Variants in APC2 observed in about 807,000 individuals in gnomAD.
The protein encoded by APC2 is APC regulator of Wnt signaling pathway 2.
In APC2, 41 loss-of-function variants were observed where a neutral mutation model predicts 72.5. The observed-to-expected ratio is 0.57, with a 90% CI of 0.44 to 0.73. The LOEUF (loss-of-function observed/expected upper bound fraction) is 0.73, where lower values mean the gene tolerates loss of function less well. Among genes scored for constraint, APC2 ranks in the 30% least tolerant of loss-of-function variants. APC2 has a pLI of 0.00. For synonymous variants in APC2, 1,898 were observed against 1,612.0 expected, an observed-to-expected ratio of 1.18 and a Z score of -4.25; for missense variants, 3,729 against 3,403.4, an observed-to-expected ratio of 1.10 and a Z score of -2.38.
Position 1,452,921 on chromosome 19 carries a change from C to G in APC2, c.-18-63C>G, listed in dbSNP as rs1477863469. 3 of 1,554,752 alleles carry G rather than the reference C, an allele frequency of 1.9e-6. No individual in the cohort carries two copies. In the African/African-American group the frequency reaches 4.1e-5, roughly 21 times the overall value. ...GGGGCTTAGGTCAGGGGCCGTCTGT[C>G]CGGAAGGCATCACCGCGCCCTCCCC... On this transcript the variant is annotated intron_variant, in intron 1 of 14. Transcript: ENST00000590469. This position sits in a 1 kb window ranked among gnomAD's most constrained non-coding sequence, Gnocchi z 5.1.
chr19:1,471,482 C>G lies in APC2; in HGVS notation c.*1269C>G, dbSNP rs889624682. 3.3e-5 allele frequency: 5 copies of G among 152,358 alleles called. No individual in the cohort carries two copies. The highest frequency in any genetic ancestry group is 9.6e-5 in the African/African-American group (4 of 41,582). 9.4% of individuals were successfully genotyped at this position (152,358 alleles called of 1,614,324 possible). On this transcript the variant is annotated 3_prime_UTR_variant, in exon 15 of 15. Coordinates refer to ENST00000590469, the MANE Select transcript of APC2 (RefSeq NM_005883.3). ...CCTGAGGGGCTCGGCTGCCTCATCC[C>G]CTGGCGGGGGAGGCTGGGAGCTGGG...
intron 13 of APC2, 22 bp from the exon 14 acceptor site, chr19:1,461,941 C>T (rs769479969): frequency 6.3e-7 from 1 of 1,590,458 alleles, no homozygotes; most frequent in East Asian, 2.3e-5. Flanking sequence ...CCTGACCCGC[C>T]CCTCTCCCGC....
chr19:1,457,219 C>G lies in APC2; in HGVS notation c.1183C>G (p.Pro395Ala). Residue 395 changes from proline (P) to alanine (A), a missense_variant, in exon 9 of 15, where the codon CCC becomes GCC. Physicochemically the swap from Pro to Ala is conservative, Grantham distance 27. Coordinates refer to ENST00000590469, the MANE Select transcript of APC2 (RefSeq NM_005883.3). ...WDWLQARDGG[P>A]EGGGAGSAPI... ...CTGGCTGCAGGCCCGAGACGGCGGGCCCGAGGGAGGTGGCGCCGGCAGCGG... is the reference window on the plus strand; with the variant it reads ...CTGGCTGCAGGCCCGAGACGGCGGGGCCGAGGGAGGTGGCGCCGGCAGCGG... 1 of 1,541,876 alleles carries G rather than the reference C, an allele frequency of 6.5e-7. No homozygotes were observed. Among genetic ancestry groups the G allele is most frequent in the Non-Finnish European group, 8.7e-7 (1 of 1,146,900 alleles).
chr19:1,446,253 G>C (rs2083686642), upstream of APC2: 41 of 984,346 alleles, frequency 4.2e-5, no homozygotes, highest in Non-Finnish European at 4.8e-5. The surrounding 1 kb of genome is among the most constrained non-coding windows in gnomAD (Gnocchi z 6.1). Context: ...CCGCCGAGGG[G>C]CGGGGCGCGG....
chr19:1,456,840 G>A lies in APC2; in HGVS notation c.817-13G>A, dbSNP rs1568168911. On this transcript the variant is annotated splice_polypyrimidine_tract_variant and intron_variant, in intron 8 of 14. Transcript: ENST00000590469. ...AGGTGAGGGACCCCACCCTGACCCT[G>A]CCCTCCCCCCAGGTGGAGGTGGTCT... The A allele has an allele frequency of 1.9e-6, 3 of 1,591,414 alleles. No homozygotes were observed. The highest frequency in any genetic ancestry group is 2.6e-6 in the Non-Finnish European group (3 of 1,174,590).
intron 9 of APC2, chr19:1,457,737 A>G: frequency 1.7e-6 from 1 of 592,054 alleles, no homozygotes. Flanking sequence ...CACAGCTGAA[A>G]GGTGTGGTGC....
chr19:1,461,751 C>T (rs2145215855), intron 13 of APC2: 1 of 560,132 alleles, frequency 1.8e-6, no homozygotes, highest in Non-Finnish European at 3.1e-6. Context: ...ACTCCGGAGG[C>T]TGAGGCAGGA....
chr19:1,464,726 G>A lies in APC2; in HGVS notation c.1854-429G>A, dbSNP rs895508399. 9.9e-5 allele frequency among the ~76,000 whole-genome samples: 14 copies of A among 141,182 alleles called. No homozygotes were observed. In the East Asian group the frequency reaches 1.5e-3, roughly 15 times the overall value. The allele number at this position is 141,182 out of a possible 152,430, so 92.6% of individuals were successfully genotyped here. On this transcript the variant is annotated intron_variant, in intron 14 of 14. Transcript: ENST00000590469. The stretch of plus-strand genomic sequence containing the variant: ...CGGCTCACTGCAGCCTCTACCTCCC[G>A]GGTTCAAGCAGTGCTCGTGCCTCGG...
chr19:1,470,349 A>G lies in APC2; in HGVS notation c.*136A>G. The G allele has an allele frequency of 8.2e-7, 1 of 1,225,416 alleles. No individual in the cohort carries two copies. Among genetic ancestry groups the G allele is most frequent in the Non-Finnish European group, 1.1e-6 (1 of 927,580 alleles). 75.9% of individuals were successfully genotyped at this position (1,225,416 alleles called of 1,614,324 possible). Reference sequence around the variant, plus strand: ...CCACCCGAGCCCCACCACTCTCAGAACCCCCGCCCAGCGCACGGCGACCTC... The same window carrying G: ...CCACCCGAGCCCCACCACTCTCAGAGCCCCCGCCCAGCGCACGGCGACCTC... On this transcript the variant is annotated 3_prime_UTR_variant, in exon 15 of 15. Coordinates refer to ENST00000590469, the MANE Select transcript of APC2 (RefSeq NM_005883.3).
chr19:1,470,240 T>C lies in APC2; in HGVS notation c.*27T>C. 6.4e-7 allele frequency: 1 copy of C among 1,552,706 alleles called. No homozygotes were observed. Among genetic ancestry groups the C allele is most frequent in the South Asian group, 1.2e-5 (1 of 84,872 alleles). The stretch of plus-strand genomic sequence containing the variant: ...GGCCTAGGCCGGCCTTCTGGAACGT[T>C]CTCTCCCGGCCCTGCGGCGCGGTCT... On this transcript the variant is annotated 3_prime_UTR_variant, in exon 15 of 15. Coordinates refer to ENST00000590469, the MANE Select transcript of APC2 (RefSeq NM_005883.3).
In APC2 at chr19:1,467,377, C is replaced by G; in HGVS notation, c.4076C>G (p.Ala1359Gly). ...AAVPARLRKV[A>G]SALVPGRRAL... ...GTGCCTGCCCGGCTGCGCAAGGTGGCCTCCGCGCTGGTGCCAGGTCGCCGC... is the reference window on the plus strand; with the variant it reads ...GTGCCTGCCCGGCTGCGCAAGGTGGGCTCCGCGCTGGTGCCAGGTCGCCGC... Residue 1359 changes from alanine to glycine, a missense_variant, in exon 15 of 15, where the codon GCC becomes GGC. Coordinates refer to ENST00000590469, the MANE Select transcript of APC2 (RefSeq NM_005883.3). 1 of 1,485,218 alleles carries G rather than the reference C, an allele frequency of 6.7e-7. No individual in the cohort carries two copies. The highest frequency in any genetic ancestry group is 1.3e-5 in the South Asian group (1 of 78,318). 92.0% of individuals were successfully genotyped at this position (1,485,218 alleles called of 1,614,324 possible). A position where few individuals can be genotyped will look rare whatever the true frequency, so the allele number is the denominator to read the frequency against.
Position 1,466,744 on chromosome 19 carries a change from CGGA to C in APC2, c.3445_3447del (p.Glu1149del). The C allele has an allele frequency of 1.9e-6, 3 of 1,545,360 alleles. No homozygotes were observed. Among genetic ancestry groups the C allele is most frequent in the Non-Finnish European group, 2.6e-6 (3 of 1,144,522 alleles). On this transcript the variant is annotated inframe_deletion, in exon 15 of 15. Transcript: ENST00000590469. Reference sequence around the variant, plus strand: ...GAAGACGCCACGCCGTCCAGCTCGTCGGAGAACTACGTGCAGGAGACACCGCTT... The same window carrying C: ...GAAGACGCCACGCCGTCCAGCTCGTCGAACTACGTGCAGGAGACACCGCTT...
chr19:1,450,090 C>T (rs1015503112), upstream of APC2: 6 of 963,858 alleles, frequency 6.2e-6, no homozygotes, highest in Non-Finnish European at 7.4e-6. Flanking sequence ...CTGTCTCACC[C>T]GCATCCCTCA....
At chr19:1,448,859 A>G (rs541757692), upstream of APC2, among the ~76,000 whole-genome samples, 22 of 148,528 alleles carry the variant, frequency 1.5e-4, 1 homozygote, top group South Asian at 4.2e-3. Context: ...AAAAAAAAAG[A>G]AAAAAAAGAA....
In APC2 at chr19:1,466,016, A is replaced by G; in HGVS notation, c.2715A>G (p.Ala905=). ...CRGPEGGRRE[A]GSRAHPLLRL... The stretch of plus-strand genomic sequence containing the variant: ...GCCCGGAGGGCGGGCGGCGAGAGGC[A>G]GGAAGCCGGGCGCACCCGCTGCTGC... The change falls in exon 15 of 15, where the codon GCA becomes GCG. Residue 905 remains alanine (A), a synonymous_variant. Transcript: ENST00000590469. 1.3e-6 allele frequency: 2 copies of G among 1,497,772 alleles called. No homozygotes were observed. The highest frequency in any genetic ancestry group is 1.8e-6 in the Non-Finnish European group (2 of 1,133,098). 92.8% of individuals were successfully genotyped at this position (1,497,772 alleles called of 1,614,324 possible). A position where few individuals can be genotyped will look rare whatever the true frequency, so the allele number is the denominator to read the frequency against.
Position 1,468,473 on chromosome 19 carries a change from G to A in APC2, c.5172G>A (p.Leu1724=), listed in dbSNP as rs747038277. The A allele has an allele frequency of 6.2e-7, 1 of 1,602,924 alleles. No individual in the cohort carries two copies. The highest frequency in any genetic ancestry group is 1.7e-5 in the Admixed American group (1 of 59,334). ...CCATCCTGTCCTTCGTATCCGGGCTGTCAGTGGGATCCACCCTACAGCCCC... is the reference window on the plus strand; with the variant it reads ...CCATCCTGTCCTTCGTATCCGGGCTATCAGTGGGATCCACCCTACAGCCCC... ...SDSILSFVSG[L]SVGSTLQPPK... The change falls in exon 15 of 15, where the codon CTG becomes CTA. Residue 1724 remains leucine, a synonymous_variant. Coordinates refer to ENST00000590469, the MANE Select transcript of APC2 (RefSeq NM_005883.3).
intron 13 of APC2, 99 bp from the exon 14 acceptor site, chr19:1,461,861 AAAC>A (rs1164311352): frequency 2.9e-6 from 3 of 1,035,422 alleles, no homozygotes; most frequent in Non-Finnish European, 4.1e-6. Context: ...CAAAAAAAAA[AAAC>A]AAAAAACAAA....
At position 1,468,702 on chromosome 19, in the gene APC2, C is replaced by A. The variant is rs1460499169; in HGVS notation, c.5401C>A (p.Pro1801Thr). The A allele has an allele frequency of 1.8e-5, 28 of 1,537,252 alleles. No individual in the cohort carries two copies. In the Admixed American group the frequency reaches 3.8e-4, roughly 21 times the overall value. The change falls in exon 15 of 15, where the codon CCC becomes ACC. Residue 1801 changes from proline (P) to threonine (T), a missense_variant. Physicochemically the swap from Pro to Thr is conservative, Grantham distance 38 (BLOSUM62 -1). Transcript: ENST00000590469. ...AGTGATCTACGTCCCCAGCCCGGCACCCCGTGCCCAGCCCAAAGGGACCCC... is the reference window on the plus strand; with the variant it reads ...AGTGATCTACGTCCCCAGCCCGGCAACCCGTGCCCAGCCCAAAGGGACCCC... ...RTVIYVPSPA[P>T]RAQPKGTPGP... is the part of the protein sequence containing the mutation.
chr19:1,468,074 C>G lies in APC2; in HGVS notation c.4773C>G (p.Pro1591=), dbSNP rs1568182790. The change falls in exon 15 of 15, where the codon CCC becomes CCG. Residue 1591 remains proline (P), a synonymous_variant. Transcript: ENST00000590469. ...SSASSLSEPE[P]SEPPAVHPRG... ...CCAGCTCCCTCAGCGAGCCCGAGCC[C>G]TCGGAGCCGCCGGCCGTCCATCCAC... 6.4e-7 allele frequency: 1 copy of G among 1,559,472 alleles called. No individual in the cohort carries two copies. The highest frequency in any genetic ancestry group is 8.6e-7 in the Non-Finnish European group (1 of 1,162,458).
Sources: gnomAD v4.1 joint callset for allele counts (sites outside exome capture counted in the v4.1 genomes callset) on GRCh38, gnomAD v4.1.1 for gene constraint, Gnocchi (gnomAD v3.1) non-coding constraint, MANE v1.5 for transcripts, NCBI Gene and HGNC (gene_info 2026-07-23, HGNC 2026-07-21) for gene names.